Variants in SDK1 observed in about 807,000 individuals in gnomAD.
SDK1 encodes protein sidekick-1.
A neutral mutation model predicts 245.5 loss-of-function variants in SDK1; 157 were observed. The ratio of observed to expected loss-of-function variants is 0.64; its 90% CI spans 0.56 to 0.73. The LOEUF (loss-of-function observed/expected upper bound fraction) is 0.73. Among genes scored for constraint, SDK1 ranks in the 30% least tolerant of loss-of-function variants. The probability of loss-of-function intolerance (pLI) is 0.00; values close to 1 mark genes in which losing one functional copy is unlikely to be tolerated. For missense variants in SDK1, 3,583 were observed against 3,002.3 expected (o/e 1.19, Z -4.52); for synonymous variants, 1,647 against 1,278.5 (o/e 1.29, Z -6.15).
intron 1 of SDK1, among the ~76,000 whole-genome samples, chr7:3,454,490 C>G (rs2204122): frequency 2.0e-5 from 3 of 150,664 alleles, no homozygotes; most frequent in East Asian, 2.0e-4. Flanking sequence ...AGTCAAGATA[C>G]AAAATAGTTG....
chr7:4,105,117 G>A (rs1384571019), intron 22 of SDK1, among the ~76,000 whole-genome samples: 1 of 151,998 alleles, frequency 6.6e-6, no homozygotes, highest in Non-Finnish European at 1.5e-5. Context: ...CAAGTAGCTG[G>A]GATTACAGGC....
chr7:3,782,178 G>T (rs544540343), intron 4 of SDK1, among the ~76,000 whole-genome samples: 1 of 152,168 alleles, frequency 6.6e-6, no homozygotes, highest in Non-Finnish European at 1.5e-5. Context: ...ATGTGCTTCT[G>T]GTGAGGGCCT....
At chr7:3,529,805 C>G (rs894023308) in intron 1 of SDK1, among the ~76,000 whole-genome samples, 7 of 152,138 alleles carry the variant, frequency 4.6e-5, no homozygotes, top group African/African-American at 1.4e-4. Context: ...GTGGGCTATG[C>G]TCACATCACG....
chr7:3,362,217 G>A (rs557662810), intron 1 of SDK1, among the ~76,000 whole-genome samples: 9 of 152,266 alleles, frequency 5.9e-5, no homozygotes, highest in South Asian at 2.1e-4. Context: ...TTTGGTGGCC[G>A]ACTACGACAG....
chr7:3,648,516 G>A (rs539413904), intron 4 of SDK1, among the ~76,000 whole-genome samples: 30 of 152,320 alleles, frequency 2.0e-4, no homozygotes, highest in Middle Eastern at 3.4e-3. Context: ...CATCCCAGGT[G>A]ACTCAGAAAC....
At chr7:4,236,389 C>A in intron 41 of SDK1, among the ~76,000 whole-genome samples, 1 of 151,930 alleles carries the variant, frequency 6.6e-6, no homozygotes, top group East Asian at 1.9e-4. Context: ...CCTTCAAAGC[C>A]GCCTTTACAT....
chr7:4,068,751 T>C (rs1374682372), intron 20 of SDK1, among the ~76,000 whole-genome samples: 1 of 151,900 alleles, frequency 6.6e-6, no homozygotes, highest in African/African-American at 2.4e-5. Flanking sequence ...AGACAGGGTC[T>C]TGCTCTCTCG....
At chr7:3,763,617 G>A (rs1780167553) in intron 4 of SDK1, among the ~76,000 whole-genome samples, 1 of 152,026 alleles carries the variant, frequency 6.6e-6, no homozygotes, top group Non-Finnish European at 1.5e-5. Context: ...ACAATAAAAT[G>A]GATAAATATT....
intron 30 of SDK1, among the ~76,000 whole-genome samples, chr7:4,155,576 G>A (rs1780677115): frequency 6.6e-6 from 1 of 152,180 alleles, no homozygotes; most frequent in Admixed American, 6.6e-5. Flanking sequence ...CAATGCCAGA[G>A]GCCAGTGAGA....
chr7:3,301,583 C>A lies in SDK1; in HGVS notation c.-4C>A, dbSNP rs1236472383. 1 of 962,828 alleles carries A rather than the reference C, an allele frequency of 1.0e-6. No homozygotes were observed. Among genetic ancestry groups the A allele is most frequent in the Non-Finnish European group, 1.2e-6 (1 of 813,510 alleles). 59.6% of individuals were successfully genotyped at this position (962,828 alleles called of 1,614,324 possible). On this transcript the variant is annotated 5_prime_UTR_variant, in exon 1 of 45. Transcript: ENST00000404826. ...CGCGGCGCTCGGGGTGGCGGCTGCT[C>A]GGCATGGCCCGGGGCGCCCGGCCCT...
intron 13 of SDK1, among the ~76,000 whole-genome samples, chr7:3,984,195 GC>G (rs1287223279): frequency 6.6e-6 from 1 of 152,124 alleles, no homozygotes; most frequent in African/African-American, 2.4e-5. Flanking sequence ...CTGAGAGGGG[GC>G]AGAGGGATGG....
In SDK1 at chr7:3,791,308, G is replaced by C. The variant is rs10237072; in HGVS notation, c.714-30142G>C. On this transcript the variant is annotated intron_variant, in intron 4 of 44. Transcript: ENST00000404826. The stretch of plus-strand genomic sequence containing the variant: ...CTACAGCCAGTGAGTAGGAGTTGTG[G>C]AAACAGATTTAATCTTTGGGAACTG... Among the ~76,000 whole-genome samples the C allele has an allele frequency of 5.6e-3, 850 of 152,262 alleles. 9 individuals are homozygous for C. Among genetic ancestry groups the C allele is most frequent in the African/African-American group, 0.02 (817 of 41,546 alleles).
At chr7:3,804,005 C>T (rs1302676799) in intron 4 of SDK1, among the ~76,000 whole-genome samples, 2 of 152,146 alleles carry the variant, frequency 1.3e-5, no homozygotes, top group Non-Finnish European at 2.9e-5. Flanking sequence ...ACCTCGTGAT[C>T]CACCTGCCTT....
chr7:4,020,122 C>T (rs1786766807), intron 17 of SDK1, among the ~76,000 whole-genome samples: 1 of 152,068 alleles, frequency 6.6e-6, no homozygotes, highest in Non-Finnish European at 1.5e-5. Flanking sequence ...CTCGGAGACG[C>T]CGGGCACCAC....
At chr7:3,824,508 GCC>G (rs1325293285) in intron 5 of SDK1, among the ~76,000 whole-genome samples, 2 of 152,136 alleles carry the variant, frequency 1.3e-5, no homozygotes, top group Non-Finnish European at 2.9e-5. Context: ...GTGTCATGCA[GCC>G]CCGCCTCTTG....
intron 1 of SDK1, among the ~76,000 whole-genome samples, chr7:3,408,890 C>T: frequency 6.6e-6 from 1 of 152,124 alleles, no homozygotes; most frequent in Admixed American, 6.5e-5. Flanking sequence ...ATTTATTTAG[C>T]ATTTGCAGTT....
At chr7:3,474,618 G>A (rs17133405) in intron 1 of SDK1, among the ~76,000 whole-genome samples, 22,938 of 151,894 alleles carry the variant, frequency 0.15, 2,023 homozygotes, top group African/African-American at 0.24. Flanking sequence ...ACATTTCTCT[G>A]TAACCCATCC....
At position 4,266,866 on chromosome 7, in the gene SDK1, G is replaced by GC. The variant is rs1788503308; in HGVS notation, c.*1488dup. 4.1e-6 allele frequency: 4 copies of GC among 985,482 alleles called. No individual in the cohort carries two copies. The highest frequency in any genetic ancestry group is 3.6e-6 in the Non-Finnish European group (3 of 830,004). The allele number at this position is 985,482 out of a possible 1,614,324, so 61.0% of individuals were successfully genotyped here. ...CAAGACTCAAGACCACCCTGTCAGT[G>GC]CCCCCCAGTGCACGGCAAACGGGCA... On this transcript the variant is annotated 3_prime_UTR_variant, in exon 45 of 45. Transcript: ENST00000404826.
intron 1 of SDK1, among the ~76,000 whole-genome samples, chr7:3,474,933 C>T (rs576980370): frequency 1.3e-5 from 2 of 152,282 alleles, no homozygotes; most frequent in South Asian, 2.1e-4. Context: ...CTCAAGTGAG[C>T]CTCCTTCCTG....
Sources: gnomAD v4.1 joint callset for allele counts (sites outside exome capture counted in the v4.1 genomes callset) on GRCh38, gnomAD v4.1.1 for gene constraint, MANE v1.5 for transcripts, NCBI Gene and HGNC (gene_info 2026-07-23, HGNC 2026-07-21) for gene names.